Variants in HPSE2 observed in about 807,000 individuals in gnomAD.
HPSE2 encodes the protein inactive heparanase-2.
In HPSE2, 38 loss-of-function variants were observed where a neutral mutation model predicts 60.5. The ratio of observed to expected loss-of-function variants is 0.63; its 90% CI spans 0.48 to 0.82. The LOEUF is 0.82. HPSE2 is among the 40% of genes least tolerant of loss of function. The pLI is 0.00. For missense variants in HPSE2, 713 were observed against 740.4 expected (o/e 0.96, Z 0.43); for synonymous variants, 295 against 293.2 (o/e 1.01, Z -0.06).
At chr10:99,306,464 T>C in the HPSE2 span, among the ~76,000 whole-genome samples, 3 of 146,812 alleles carry the variant, frequency 2.0e-5, no homozygotes, top group South Asian at 2.3e-4. Context: ...TCAAGCCATT[T>C]TGGGGGTCTG....
At chr10:99,032,741 G>A (rs895376052) in intron 3 of HPSE2, among the ~76,000 whole-genome samples, 3 of 152,148 alleles carry the variant, frequency 2.0e-5, no homozygotes, top group East Asian at 1.9e-4. Flanking sequence ...GAAGCTCTAA[G>A]GGAGAGTCTA....
At chr10:99,164,770 T>G (rs113001287) in intron 2 of HPSE2, among the ~76,000 whole-genome samples, 1 of 151,054 alleles carries the variant, frequency 6.6e-6, no homozygotes, top group African/African-American at 2.5e-5. Context: ...CATGCCTGTA[T>G]TCCCAGCACT....
chr10:98,849,411 A>G (rs1952114282), intron 3 of HPSE2, among the ~76,000 whole-genome samples: 1 of 152,254 alleles, frequency 6.6e-6, no homozygotes, highest in Non-Finnish European at 1.5e-5. Context: ...ATCATTAAAC[A>G]GAATCAGAGT....
At chr10:98,561,169 T>TG (rs953073118) in intron 9 of HPSE2, among the ~76,000 whole-genome samples, 2 of 146,676 alleles carry the variant, frequency 1.4e-5, no homozygotes, top group Non-Finnish European at 3.0e-5. Context: ...TTTTTTGTTC[T>TG]TTTTTTTGTT....
At chr10:98,724,061 T>C (rs1441222841) in intron 4 of HPSE2, among the ~76,000 whole-genome samples, 1 of 152,174 alleles carries the variant, frequency 6.6e-6, no homozygotes, top group African/African-American at 2.4e-5. Flanking sequence ...GATGTTAGGG[T>C]GTCAATTTTA....
chr10:98,848,029 A>G (rs151218265), intron 3 of HPSE2, among the ~76,000 whole-genome samples: 9 of 152,236 alleles, frequency 5.9e-5, no homozygotes, highest in Non-Finnish European at 1.3e-4. Flanking sequence ...CAGGTGAAAA[A>G]TAGTCGTTAA....
intron 2 of HPSE2, among the ~76,000 whole-genome samples, chr10:99,171,818 TA>T (rs531695936): frequency 6.0e-4 from 87 of 146,148 alleles, no homozygotes; most frequent in African/African-American, 1.7e-3. Context: ...ATTCTGTGAC[TA>T]AAAAAAAAAA....
At position 99,029,728 on chromosome 10, in the gene HPSE2, A is replaced by G. The variant is rs549605954; in HGVS notation, c.610+114510T>C. 1.1e-4 allele frequency among the ~76,000 whole-genome samples: 16 copies of G among 152,322 alleles called. No individual in the cohort carries two copies. In the South Asian group the frequency reaches 3.3e-3, roughly 32 times the overall value. On this transcript the variant is annotated intron_variant, in intron 3 of 11. Transcript: ENST00000370552. ...GCCAGGTGTACAGGATGGAACATGA[A>G]GGCGGACTAGGAGTGTGACCGTTGA...
chr10:99,163,490 A>G (rs1846931375), intron 2 of HPSE2, among the ~76,000 whole-genome samples: 1 of 152,214 alleles, frequency 6.6e-6, no homozygotes, highest in South Asian at 2.1e-4. Flanking sequence ...ATATGTATGT[A>G]CACGTGTGTA....
At chr10:99,028,737 C>A (rs1030575494) in intron 3 of HPSE2, among the ~76,000 whole-genome samples, 1 of 152,132 alleles carries the variant, frequency 6.6e-6, no homozygotes, top group Non-Finnish European at 1.5e-5. Context: ...GCAAATTATA[C>A]TACAGTGATA....
chr10:99,002,778 A>G (rs1345968172), intron 3 of HPSE2, among the ~76,000 whole-genome samples: 2 of 152,140 alleles, frequency 1.3e-5, no homozygotes, highest in Non-Finnish European at 2.9e-5. Context: ...TAATAGAAAA[A>G]TAAAAATTAC....
chr10:98,967,223 A>G (rs1352393489), intron 3 of HPSE2, among the ~76,000 whole-genome samples: 1 of 152,232 alleles, frequency 6.6e-6, no homozygotes, highest in Admixed American at 6.5e-5. Flanking sequence ...TCCTAGAAAG[A>G]GTTTAGCACA....
intron 7 of HPSE2, among the ~76,000 whole-genome samples, chr10:98,628,724 G>A (rs751876718): frequency 1.3e-5 from 2 of 152,102 alleles, no homozygotes; most frequent in African/African-American, 2.4e-5. Flanking sequence ...GGGCCTGCTA[G>A]AGGCAGAGTT....
chr10:98,745,893 A>G (rs1235039431), intron 3 of HPSE2, among the ~76,000 whole-genome samples: 2 of 152,102 alleles, frequency 1.3e-5, no homozygotes, highest in Non-Finnish European at 2.9e-5. Flanking sequence ...TGTCCAAGTT[A>G]CCCCATTAGC....
intron 6 of HPSE2, among the ~76,000 whole-genome samples, chr10:98,649,167 A>G (rs1946851814): frequency 6.6e-6 from 1 of 152,194 alleles, no homozygotes; most frequent in African/African-American, 2.4e-5. Flanking sequence ...CTGTTGCCAC[A>G]TCCTTCCCCT....
At chr10:98,531,922 G>T (rs1943143396) in intron 9 of HPSE2, among the ~76,000 whole-genome samples, 1 of 152,154 alleles carries the variant, frequency 6.6e-6, no homozygotes, top group Non-Finnish European at 1.5e-5. Flanking sequence ...GTTGTTGTGA[G>T]AATTAAATGA....
At chr10:98,634,645 A>G (rs1181511953) in intron 7 of HPSE2, among the ~76,000 whole-genome samples, 1 of 152,236 alleles carries the variant, frequency 6.6e-6, no homozygotes, top group East Asian at 1.9e-4. Flanking sequence ...AAGAAATTAC[A>G]TGTCCTTCTT....
chr10:99,259,505 C>G, the HPSE2 span, among the ~76,000 whole-genome samples: 2 of 152,070 alleles, frequency 1.3e-5, no homozygotes, highest in Non-Finnish European at 2.9e-5. Flanking sequence ...AAAGAAGATA[C>G]ATGAATCACA....
At chr10:98,825,890 C>G (rs919818008) in intron 3 of HPSE2, among the ~76,000 whole-genome samples, 1 of 152,208 alleles carries the variant, frequency 6.6e-6, no homozygotes, top group Admixed American at 6.5e-5. Context: ...CATTTTATGA[C>G]TATGAGAGGA....
Sources: gnomAD v4.1 joint callset for allele counts (sites outside exome capture counted in the v4.1 genomes callset) on GRCh38, gnomAD v4.1.1 for gene constraint, MANE v1.5 for transcripts, NCBI Gene and HGNC (gene_info 2026-07-23, HGNC 2026-07-21) for gene names.